LTBP4: variants seen among roughly 807,000 people sequenced by gnomAD.
LTBP4 encodes latent-transforming growth factor beta-binding protein 4.
Under a neutral mutation model 180.2 loss-of-function variants are expected in LTBP4, and 93 were observed. The observed-to-expected ratio is 0.52, with a 90% CI of 0.44 to 0.61. LTBP4 has a LOEUF of 0.61. Among genes scored for constraint, LTBP4 ranks in the 20% least tolerant of loss-of-function variants. The pLI, the probability that LTBP4 is intolerant of heterozygous loss-of-function variation, is 0.00. For synonymous variants in LTBP4, 947 were observed against 934.5 expected (o/e 1.01, Z -0.24); for missense variants, 2,116 against 2,256.5 (o/e 0.94, Z 1.26).
chr19:40,629,377 C>CGTT lies in LTBP4; in HGVS notation c.4520-16_4520-14dup, dbSNP rs2081660233. 1 of 1,612,124 alleles carries CGTT rather than the reference C, an allele frequency of 6.2e-7. No individual in the cohort carries two copies. Among genetic ancestry groups the CGTT allele is most frequent in the Non-Finnish European group, 8.5e-7 (1 of 1,179,244 alleles). On this transcript the variant is annotated intron_variant, in intron 29 of 29. Transcript: ENST00000396819. The surrounding 1 kb of genome is among the most constrained non-coding windows in gnomAD (Gnocchi z 4.5). ...TGGGGCCCCAGCCTTCAGCAGCGAT[C>CGTT]GTTGTCTCCCCTCCGCAGACATCAA...
chr19:40,602,183 G>GTGTGTGTGTGT (rs1568401445), intron 1 of LTBP4, among the ~76,000 whole-genome samples: 5 of 143,110 alleles, frequency 3.5e-5, no homozygotes, highest in African/African-American at 1.1e-4. Context: ...GTGTGTGTGT[G>GTGTGTGTGTGT]GCGGCGGGGG....
upstream of LTBP4, chr19:40,599,595 G>A (rs779517264): frequency 6.3e-7 from 1 of 1,582,838 alleles, no homozygotes; most frequent in Non-Finnish European, 8.6e-7. Context: ...TCCTCCCTCA[G>A]GAACTCCTAG....
upstream of LTBP4, chr19:40,600,005 G>A (rs1189472108): frequency 3.6e-6 from 3 of 837,766 alleles, no homozygotes; most frequent in African/African-American, 1.8e-5. The surrounding 1 kb of genome is among the most constrained non-coding windows in gnomAD (Gnocchi z 4.4). Context: ...TGGCATGGAG[G>A]CCCTTTGGTG....
chr19:40,599,813 C>T (rs2081411230), upstream of LTBP4: 3 of 572,104 alleles, frequency 5.2e-6, no homozygotes, highest in Admixed American at 3.3e-5. Context: ...CTCTTTCTCC[C>T]TGTGTCTCAC....
chr19:40,614,056 G>C lies in LTBP4; in HGVS notation c.2680+18G>C. On this transcript the variant is annotated intron_variant, in intron 18 of 29. Coordinates refer to ENST00000396819, the MANE Select transcript of LTBP4 (RefSeq NM_001042545.2). ...CTGCCTCGGTGAGAGGCCCCGCCCC[G>C]GCCTGATCCCTCCTCCCTTCGACTC... The C allele has an allele frequency of 6.2e-7, 1 of 1,610,678 alleles. No individual in the cohort carries two copies. Among genetic ancestry groups the C allele is most frequent in the Non-Finnish European group, 8.5e-7 (1 of 1,179,066 alleles).
chr19:40,614,010 C>T lies in LTBP4; in HGVS notation c.2652C>T (p.Arg884=), dbSNP rs751101432. ...AGTGCATCTGTCCTCCGGGACACCG[C>T]GCTGGCCCGGACCTCGCCTCCTGCC... ...SFECICPPGH[R]AGPDLASCLD... Residue 884 remains arginine (R), a synonymous_variant, in exon 18 of 30, where the codon CGC becomes CGT. Transcript: ENST00000396819. The T allele has an allele frequency of 7.4e-6, 12 of 1,613,354 alleles. No individual in the cohort carries two copies. Among genetic ancestry groups the T allele is most frequent in the Non-Finnish European group, 1.0e-5 (12 of 1,179,760 alleles).
upstream of LTBP4, chr19:40,599,711 A>T: frequency 1.5e-6 from 1 of 668,474 alleles, no homozygotes; most frequent in South Asian, 1.9e-5. Context: ...TTTCTATTTC[A>T]TCCCTTGCCT....
At chr19:40,624,125 G>C (rs2081607789) in intron 26 of LTBP4, 43 bp downstream of exon 26, 3 of 1,482,144 alleles carry the variant, frequency 2.0e-6, no homozygotes, top group African/African-American at 1.4e-5. Flanking sequence ...CCCTTGGCTC[G>C]GCCTCACACC....
At chr19:40,602,462 G>A (rs1232065975) in intron 1 of LTBP4, among the ~76,000 whole-genome samples, 5 of 152,096 alleles carry the variant, frequency 3.3e-5, no homozygotes, top group Non-Finnish European at 7.4e-5. Context: ...GGAGTGGGGA[G>A]TGGGGGCCCC....
Position 40,607,539 on chromosome 19 carries a change from T to C in LTBP4, c.1156+10T>C. ...CCACCCTTCGGCTCAGGTGAGCCCCTGCGGCAGTGCCTAGCCCTACGCGCA... is the reference window on the plus strand; with the variant it reads ...CCACCCTTCGGCTCAGGTGAGCCCCCGCGGCAGTGCCTAGCCCTACGCGCA... On this transcript the variant is annotated intron_variant, in intron 7 of 29. Transcript: ENST00000396819. The C allele has an allele frequency of 6.2e-7, 1 of 1,603,056 alleles. No individual in the cohort carries two copies. The highest frequency in any genetic ancestry group is 1.3e-5 in the African/African-American group (1 of 74,886).
intron 26 of LTBP4, among the ~76,000 whole-genome samples, chr19:40,625,299 T>A (rs1402012823): frequency 8.9e-5 from 2 of 22,384 alleles, no homozygotes; most frequent in African/African-American, 9.3e-4. Flanking sequence ...TATATATATA[T>A]ATATATATAT....
upstream of LTBP4, among the ~76,000 whole-genome samples, chr19:40,596,977 TC>T (rs2081393755): frequency 6.6e-6 from 1 of 151,496 alleles, no homozygotes; most frequent in Non-Finnish European, 1.5e-5. Flanking sequence ...AGTCCTAATT[TC>T]CCCCCACCGC....
intron 15 of LTBP4, 61 bp downstream of exon 15, chr19:40,612,253 G>T: frequency 1.3e-6 from 2 of 1,519,534 alleles, no homozygotes; most frequent in Admixed American, 3.9e-5. Flanking sequence ...CCTTGACCCA[G>T]ATCACAACTA....
In LTBP4 at chr19:40,613,184, G is replaced by C. The variant is rs559350666; in HGVS notation, c.2419G>C (p.Gly807Arg). Reference protein sequence around the residue: ...PGYRAPSGRPGPCADVNECLE... With the variant: ...PGYRAPSGRPRPCADVNECLE... ...CTACCGGGCGCCGTCGGGTCGGCCC[G>C]GGCCCTGCGCAGGTGAGCAGCATAG... Residue 807 changes from glycine to arginine, a missense_variant, in exon 16 of 30, where the codon GGG (glycine) becomes CGG (arginine). Gly to Arg is a moderately radical substitution (Grantham distance 125, BLOSUM62 -2). Around this residue, in one of 5 missense-constraint regions of LTBP4, gnomAD observed 877 missense variants for 873.6 expected, o/e 1.00. Coordinates refer to ENST00000396819, the MANE Select transcript of LTBP4 (RefSeq NM_001042545.2). This position sits in a 1 kb window ranked among gnomAD's most constrained non-coding sequence, Gnocchi z 5.0. The C allele has an allele frequency of 1.9e-4, 306 of 1,569,758 alleles. No homozygotes were observed. The highest frequency in any genetic ancestry group is 5.1e-4 in the South Asian group (44 of 85,920).
intron 19 of LTBP4, among the ~76,000 whole-genome samples, chr19:40,615,659 G>A (rs1304529028): frequency 6.6e-6 from 1 of 152,224 alleles, no homozygotes; most frequent in South Asian, 2.1e-4. Context: ...TCAGGAGACT[G>A]AGGCAGGATA....
intron 18 of LTBP4, 36 bp from the exon 19 acceptor site, chr19:40,614,279 G>T: frequency 6.3e-7 from 1 of 1,585,478 alleles, no homozygotes; most frequent in Non-Finnish European, 8.6e-7. Flanking sequence ...TTGCCTCCCT[G>T]CTTCCCACAT....
intron 18 of LTBP4, 119 bp downstream of exon 18, chr19:40,614,157 C>A: frequency 6.8e-7 from 1 of 1,478,920 alleles, no homozygotes; most frequent in Non-Finnish European, 9.1e-7. Context: ...TTTCCCCCGC[C>A]TCCTCTCCTA....
In LTBP4 at chr19:40,606,244, A is replaced by G. The variant is rs2081460454; in HGVS notation, c.805A>G (p.Arg269Gly). Residue 269 changes from arginine to glycine, a missense_variant, in exon 5 of 30, where the codon AGA becomes GGA. By Grantham distance (125) the Arg-to-Gly change is moderately radical. Coordinates refer to ENST00000396819, the MANE Select transcript of LTBP4 (RefSeq NM_001042545.2). ...TCCTCTCGCCACAGGGAACTCCGAA[A>G]GAGTGAGCGCCCCAGATGGACCTTG... The part of the protein sequence containing the change: ...LCSERLGNSE[R>G]VSAPDGPCPT... The G allele has an allele frequency of 1.3e-6, 2 of 1,590,696 alleles. No individual in the cohort carries two copies. The highest frequency in any genetic ancestry group is 1.3e-5 in the African/African-American group (1 of 74,482).
upstream of LTBP4, among the ~76,000 whole-genome samples, chr19:40,600,384 A>G (rs1041689679): frequency 1.3e-5 from 2 of 152,052 alleles, no homozygotes; most frequent in African/African-American, 2.4e-5. The surrounding 1 kb of genome is among the most constrained non-coding windows in gnomAD (Gnocchi z 4.4). Context: ...AGAGGCACTG[A>G]CCCGCGGGGG....
Sources: allele counts gnomAD v4.1 joint callset (sites outside exome capture counted in the v4.1 genomes callset), GRCh38; gene constraint gnomAD v4.1.1; regional missense constraint gnomAD v4.1.1; non-coding constraint Gnocchi (gnomAD v3.1); transcripts MANE v1.5; gene names NCBI Gene and HGNC (gene_info 2026-07-23, HGNC 2026-07-21).